Variants in MMEL1 observed in about 807,000 individuals in gnomAD.
The protein encoded by MMEL1 is membrane metallo-endopeptidase-like 1.
Under a neutral mutation model 117.1 loss-of-function variants are expected in MMEL1, and 98 were observed. The ratio of observed to expected loss-of-function variants is 0.84; its 90% CI spans 0.71 to 0.99. The LOEUF (loss-of-function observed/expected upper bound fraction) is 0.99. MMEL1 is among the 50% of genes least tolerant of loss of function. MMEL1 has a pLI of 0.00. For synonymous variants in MMEL1, 390 were observed against 415.1 expected (o/e 0.94, Z 0.74); for missense variants, 1,014 against 1,049.1 (o/e 0.97, Z 0.46).
chr1:2,593,821 G>T lies in MMEL1; in HGVS notation c.1860C>A (p.Asp620Glu), dbSNP rs571161601. 5.0e-6 allele frequency: 8 copies of T among 1,606,528 alleles called. No individual in the cohort carries two copies. In the East Asian group the frequency reaches 1.8e-4, roughly 36 times the overall value. The change falls in exon 19 of 24, where the codon GAC becomes GAA. Residue 620 changes from aspartate (D) to glutamate (E), a missense_variant. By Grantham distance (45) the Asp-to-Glu change is conservative. Coordinates refer to ENST00000378412, the MANE Select transcript of MMEL1 (RefSeq NM_033467.4). Reference protein sequence around the residue: ...VIGHEITHGFDDNGRNFDKNG... With the variant: ...VIGHEITHGFEDNGRNFDKNG... ...GGAGGGGCGGCCGCTCACCATTGTC[G>T]TCAAAGCCGTGCGTGATCTCGTGCC...
chr1:2,596,314 T>A (rs984507772), intron 14 of MMEL1, among the ~76,000 whole-genome samples: 3 of 152,110 alleles, frequency 2.0e-5, no homozygotes, highest in Admixed American at 1.3e-4. Flanking sequence ...CTGTGGGTCC[T>A]CGTGGGCCAG....
rs1384694346 is a variant in MMEL1, at chr1:2,595,987, C to G, written c.1500+22G>C. On this transcript the variant is annotated intron_variant, in intron 15 of 23. Coordinates refer to ENST00000378412, the MANE Select transcript of MMEL1 (RefSeq NM_033467.4). The surrounding 1 kb of genome is among the most constrained non-coding windows in gnomAD (Gnocchi z 4.8). ...GTGCCCAGATCCAGTCGGGGCTGCC[C>G]TGACCTCTGCGAGCCACATACCTTC... The G allele has an allele frequency of 6.2e-7, 1 of 1,607,358 alleles. No individual in the cohort carries two copies.
At chr1:2,620,272 G>A (rs374032631) in intron 2 of MMEL1, among the ~76,000 whole-genome samples, 1 of 152,142 alleles carries the variant, frequency 6.6e-6, no homozygotes, top group South Asian at 2.1e-4. Context: ...GAAGGCATGA[G>A]AGCTAAATCT....
At chr1:2,632,245 C>G (rs1638626541) in intron 1 of MMEL1, among the ~76,000 whole-genome samples, 1 of 152,218 alleles carries the variant, frequency 6.6e-6, no homozygotes, top group Non-Finnish European at 1.5e-5. Flanking sequence ...TCCACCTCCA[C>G]ATCTCCTCGA....
intron 11 of MMEL1, among the ~76,000 whole-genome samples, chr1:2,602,606 TCTTA>T (rs1644950835): frequency 1.3e-5 from 2 of 152,072 alleles, no homozygotes; most frequent in African/African-American, 2.4e-5. Context: ...CTTCACTCAC[TCTTA>T]CTTGTGAACC....
At chr1:2,609,098 G>T in intron 6 of MMEL1, among the ~76,000 whole-genome samples, 1 of 150,240 alleles carries the variant, frequency 6.7e-6, no homozygotes, top group Non-Finnish European at 1.5e-5. Context: ...CTGCAGCCTG[G>T]AACGTGTGGC....
intron 2 of MMEL1, among the ~76,000 whole-genome samples, chr1:2,628,048 G>GGT (rs1638351286): frequency 6.6e-6 from 1 of 152,244 alleles, no homozygotes; most frequent in Non-Finnish European, 1.5e-5. Context: ...CACAGCTGGG[G>GGT]GTGTGTGTGG....
rs563901150 is a variant in MMEL1 at position 2,618,681 on chromosome 1, G to T, written c.155-6477C>A. Reference sequence around the variant, plus strand: ...GCCAATTTAAAGAAACTCCAGGCTGGTAGTGTCCTAAGGTGCCTGATGAAA... The same window carrying T: ...GCCAATTTAAAGAAACTCCAGGCTGTTAGTGTCCTAAGGTGCCTGATGAAA... On this transcript the variant is annotated intron_variant, in intron 2 of 23. Transcript: ENST00000378412. 5.3e-5 allele frequency among the ~76,000 whole-genome samples: 8 copies of T among 152,314 alleles called. No individual in the cohort carries two copies. The East Asian group carries it at 7.7e-4, about 15-fold the overall frequency.
chr1:2,593,026 C>A, intron 19 of MMEL1, 60 bp from the exon 20 acceptor site: 1 of 1,585,520 alleles, frequency 6.3e-7, no homozygotes, highest in Non-Finnish European at 8.6e-7. Context: ...CCTGGCCCCA[C>A]GGCAGCCACT....
rs1164484475 is a variant in MMEL1 at position 2,609,399 on chromosome 1, C to T, written c.475G>A (p.Ala159Thr). Residue 159 changes from alanine (A) to threonine (T), a missense_variant, in exon 6 of 24, where the codon GCC becomes ACC. Coordinates refer to ENST00000378412, the MANE Select transcript of MMEL1 (RefSeq NM_033467.4). ...TTCTCCACAGCCGGCCGGTCCTTGG[C>T]AGTCGAATTCTCCAGCACCGCTGTG... The part of the protein sequence containing the change: ...ILKAVLENST[A>T]KDRPAVEKAR... 6.2e-7 allele frequency: 1 copy of T among 1,611,526 alleles called. No homozygotes were observed.
At chr1:2,598,127 G>C in intron 13 of MMEL1, 80 bp downstream of exon 13, 1 of 1,360,602 alleles carries the variant, frequency 7.3e-7, no homozygotes, top group South Asian at 1.2e-5. Context: ...GGACCTCGGT[G>C]TTTGCCTACA....
In MMEL1 at chr1:2,592,033, G is replaced by GGC; in HGVS notation, c.2068-8_2068-7dup. 5 of 1,612,134 alleles carry GGC rather than the reference G, an allele frequency of 3.1e-6. No homozygotes were observed. Among genetic ancestry groups the GGC allele is most frequent in the Non-Finnish European group, 4.2e-6 (5 of 1,178,980 alleles). On this transcript the variant is annotated splice_region_variant and splice_polypyrimidine_tract_variant and intron_variant, in intron 21 of 23. Transcript: ENST00000378412. ...GCCATCCACTTGAGGTAGGCCTGCA[G>GGC]GCACCAGACAGGAGCTGAGCTCAGG...
Position 2,594,897 on chromosome 1 carries a change from C to A in MMEL1, c.1585-4G>T. 6.2e-7 allele frequency: 1 copy of A among 1,612,166 alleles called. No individual in the cohort carries two copies. Among genetic ancestry groups the A allele is most frequent in the South Asian group, 1.1e-5 (1 of 91,032 alleles). ...ACAGGTCCTCTGAGAAGTTCAGCTA[C>A]GGGAGAGGGGCAGTCACTGCCAGAT... On this transcript the variant is annotated splice_polypyrimidine_tract_variant and splice_region_variant and intron_variant, in intron 16 of 23. Coordinates refer to ENST00000378412, the MANE Select transcript of MMEL1 (RefSeq NM_033467.4).
chr1:2,611,537 G>T, intron 3 of MMEL1, 197 bp from the exon 4 acceptor site: 1 of 520,686 alleles, frequency 1.9e-6, no homozygotes, highest in Non-Finnish European at 3.4e-6. Context: ...AGCATAGTCT[G>T]GTGGGGGTGG....
intron 6 of MMEL1, among the ~76,000 whole-genome samples, chr1:2,608,783 A>G (rs1645074112): frequency 6.6e-6 from 1 of 152,176 alleles, no homozygotes; most frequent in Admixed American, 6.5e-5. Flanking sequence ...ACACATATGT[A>G]CACACCGCAT....
intron 7 of MMEL1, 122 bp downstream of exon 7, chr1:2,606,852 T>G: frequency 1.1e-6 from 1 of 894,416 alleles, no homozygotes; most frequent in South Asian, 1.5e-5. Context: ...CTCTTGGGGC[T>G]CCTGAGAGCA....
intron 4 of MMEL1, 105 bp downstream of exon 4, chr1:2,611,176 T>G (rs946983674): frequency 8.8e-7 from 1 of 1,140,382 alleles, no homozygotes. Context: ...CCGCCCGCCG[T>G]GTCTTGGAGT....
At chr1:2,630,866 G>A (rs1042725472) in intron 1 of MMEL1, among the ~76,000 whole-genome samples, 10 of 150,454 alleles carry the variant, frequency 6.6e-5, no homozygotes, top group East Asian at 2.0e-4. Context: ...GTGTACTCTC[G>A]TGTGTGCATG....
intron 2 of MMEL1, among the ~76,000 whole-genome samples, chr1:2,613,332 C>G (rs541305205): frequency 6.6e-6 from 1 of 152,286 alleles, no homozygotes; most frequent in African/African-American, 2.4e-5. Context: ...TGGTGTTTGC[C>G]AATTGCAGTA....
Sources: allele counts gnomAD v4.1 joint callset (sites outside exome capture counted in the v4.1 genomes callset), GRCh38; gene constraint gnomAD v4.1.1; non-coding constraint Gnocchi (gnomAD v3.1); transcripts MANE v1.5; gene names NCBI Gene and HGNC (gene_info 2026-07-23, HGNC 2026-07-21).